Variants in MYO3A observed in about 807,000 individuals in gnomAD.
MYO3A encodes the protein myosin IIIA.
Under a neutral mutation model 192.7 loss-of-function variants are expected in MYO3A, and 180 were observed. The ratio of observed to expected loss-of-function variants is 0.93; its 90% CI spans 0.83 to 1.06. The LOEUF (loss-of-function observed/expected upper bound fraction) is 1.06. Among genes scored for constraint, MYO3A ranks in the 50% least tolerant of loss-of-function variants. MYO3A has a pLI of 0.00. For synonymous variants in MYO3A, 628 were observed against 645.3 expected, an observed-to-expected ratio of 0.97 and a Z score of 0.41; for missense variants, 1,896 against 1,905.0, an observed-to-expected ratio of 1.00 and a Z score of 0.09.
chr10:26,128,390 G>A lies in MYO3A; in HGVS notation c.2115-1G>A. 2 of 1,612,660 alleles carry A rather than the reference G, an allele frequency of 1.2e-6. No individual in the cohort carries two copies. The highest frequency in any genetic ancestry group is 1.7e-6 in the Non-Finnish European group (2 of 1,178,980). On this transcript the variant is annotated splice_acceptor_variant, in intron 19 of 34. Coordinates refer to ENST00000642920, the MANE Select transcript of MYO3A (RefSeq NM_017433.5). LOFTEE classifies it high-confidence loss of function. ...AAATAATGCCTCTTCAATTCTTCTA[G>A]TGGGAATGGTGATGAGCTGAGCATT...
At chr10:25,996,403 T>A in intron 4 of MYO3A, 87 bp from the exon 5 acceptor site, 1 of 1,094,058 alleles carries the variant, frequency 9.1e-7, no homozygotes, top group Non-Finnish European at 1.4e-6. Context: ...ATTGGAACAC[T>A]TTTAAAAATG....
At chr10:25,940,497 A>G (rs1438168924) in intron 2 of MYO3A, among the ~76,000 whole-genome samples, 3 of 152,174 alleles carry the variant, frequency 2.0e-5, no homozygotes, top group African/African-American at 7.2e-5. Context: ...CTTGTCCAAC[A>G]GAGCCCATTA....
intron 33 of MYO3A, 56 bp from the exon 34 acceptor site, chr10:26,202,908 T>G: frequency 6.3e-7 from 1 of 1,592,356 alleles, no homozygotes; most frequent in Non-Finnish European, 8.6e-7. Flanking sequence ...TCCTGTAAGT[T>G]TAAGTGAGTA....
chr10:25,962,224 A>G (rs1207418247), intron 4 of MYO3A, among the ~76,000 whole-genome samples: 3 of 152,042 alleles, frequency 2.0e-5, no homozygotes, highest in Non-Finnish European at 4.4e-5. Flanking sequence ...GCTTTCTGAT[A>G]TGATTTTTCT....
In MYO3A at chr10:26,132,474, G is replaced by A. The variant is rs114976678; in HGVS notation, c.2262+3936G>A. 6.8e-3 allele frequency among the ~76,000 whole-genome samples: 1,030 copies of A among 152,234 alleles called. 13 individuals are homozygous for A. The highest frequency in any genetic ancestry group is 0.023 in the African/African-American group (963 of 41,532). On this transcript the variant is annotated intron_variant, in intron 20 of 34. Transcript: ENST00000642920. ...CATACCAAGGACTGGTCAATCCTGG[G>A]CATGACTTTGAATTGGAACAAATGC...
chr10:26,056,707 G>T (rs577996932), intron 10 of MYO3A, among the ~76,000 whole-genome samples: 1 of 152,066 alleles, frequency 6.6e-6, no homozygotes, highest in Admixed American at 6.5e-5. Flanking sequence ...GAAGCAAAGC[G>T]CTATCTTCCC....
intron 10 of MYO3A, among the ~76,000 whole-genome samples, chr10:26,048,508 C>T (rs1293324451): frequency 6.6e-6 from 1 of 151,636 alleles, no homozygotes; most frequent in Non-Finnish European, 1.5e-5. Context: ...ATGTCTATTC[C>T]CACAAGGGGA....
rs566480740 is a variant in MYO3A, at chr10:26,089,138, T to G, written c.1562+733T>G. Among the ~76,000 whole-genome samples, 75 of 152,342 alleles carry G rather than the reference T, an allele frequency of 4.9e-4. No individual in the cohort carries two copies. In the South Asian group the frequency reaches 7.0e-3, roughly 14 times the overall value. On this transcript the variant is annotated intron_variant, in intron 15 of 34. Transcript: ENST00000642920. Reference sequence around the variant, plus strand: ...TACTCTACATTATTGTAGTAGTATGTCATGTTAATTCACAGTAACATAATA... The same window carrying G: ...TACTCTACATTATTGTAGTAGTATGGCATGTTAATTCACAGTAACATAATA...
chr10:26,048,547 A>G (rs114490368), intron 10 of MYO3A, among the ~76,000 whole-genome samples: 1,318 of 124,296 alleles, frequency 0.011, 17 homozygotes, highest in African/African-American at 0.032. Context: ...ATACATACAT[A>G]TATACATATG....
chr10:26,026,270 T>C (rs985596591), intron 9 of MYO3A, 107 bp from the exon 10 acceptor site: 3 of 1,343,326 alleles, frequency 2.2e-6, no homozygotes, highest in Non-Finnish European at 3.1e-6. Context: ...GCTGAGCATT[T>C]ATGAGGAGCA....
intron 25 of MYO3A, among the ~76,000 whole-genome samples, chr10:26,156,958 G>A (rs963855767): frequency 6.6e-6 from 1 of 152,118 alleles, no homozygotes; most frequent in South Asian, 2.1e-4. Flanking sequence ...TAGTAAGATT[G>A]TATAATATTA....
intron 4 of MYO3A, among the ~76,000 whole-genome samples, chr10:25,990,403 A>C (rs1839938748): frequency 6.6e-6 from 1 of 152,174 alleles, no homozygotes; most frequent in Admixed American, 6.5e-5. Context: ...TGATTAAACT[A>C]TCATAAATCA....
At chr10:26,186,146 T>A (rs1384958483) in intron 31 of MYO3A, among the ~76,000 whole-genome samples, 1 of 152,192 alleles carries the variant, frequency 6.6e-6, no homozygotes, top group Non-Finnish European at 1.5e-5. Context: ...AGTTACTGAG[T>A]TACAAGATGT....
At chr10:26,166,922 T>C (rs1314366533) in intron 27 of MYO3A, among the ~76,000 whole-genome samples, 2 of 152,192 alleles carry the variant, frequency 1.3e-5, no homozygotes, top group Non-Finnish European at 2.9e-5. Context: ...GTAAAAAGCA[T>C]AACCAATCTT....
chr10:26,139,800 G>A (rs1009129067), intron 20 of MYO3A, among the ~76,000 whole-genome samples: 2 of 152,130 alleles, frequency 1.3e-5, no homozygotes, highest in African/African-American at 2.4e-5. Context: ...GCCAAGGCAG[G>A]ACAATCACTT....
intron 4 of MYO3A, among the ~76,000 whole-genome samples, chr10:25,973,659 A>G (rs540081629): frequency 6.6e-6 from 1 of 152,260 alleles, no homozygotes; most frequent in African/African-American, 2.4e-5. Flanking sequence ...TTCCATCAAT[A>G]TCTAGTTTAT....
At chr10:26,066,183 A>C (rs1448542712) in intron 10 of MYO3A, among the ~76,000 whole-genome samples, 1 of 152,108 alleles carries the variant, frequency 6.6e-6, no homozygotes, top group African/African-American at 2.4e-5. Context: ...CAGTTTATTA[A>C]TAGGCTTAAA....
At chr10:26,075,713 C>T (rs1835509827) in intron 14 of MYO3A, among the ~76,000 whole-genome samples, 1 of 144,382 alleles carries the variant, frequency 6.9e-6, no homozygotes, top group Non-Finnish European at 1.5e-5. Flanking sequence ...ATATGTCTCT[C>T]TCATATATAT....
chr10:25,971,888 G>A (rs1182117774), intron 4 of MYO3A, among the ~76,000 whole-genome samples: 1 of 152,132 alleles, frequency 6.6e-6, no homozygotes, highest in Non-Finnish European at 1.5e-5. Context: ...TGTCACCCAG[G>A]CTGGAGTGCA....
Sources: gnomAD v4.1 joint callset for allele counts (sites outside exome capture counted in the v4.1 genomes callset) on GRCh38, gnomAD v4.1.1 for gene constraint, MANE v1.5 for transcripts, NCBI Gene and HGNC (gene_info 2026-07-23, HGNC 2026-07-21) for gene names.